Variants in INTS7 observed in about 807,000 individuals in gnomAD.
INTS7 encodes chromosome 1 open reading frame 73.
A neutral mutation model predicts 109.2 loss-of-function variants in INTS7; 46 were observed. That is an observed-to-expected ratio of 0.42 (90% confidence interval 0.33 to 0.54). The LOEUF is 0.54. Among genes scored for constraint, INTS7 ranks in the 20% least tolerant of loss-of-function variants. INTS7 has a pLI of 0.07. For synonymous variants in INTS7, 412 were observed against 402.9 expected (o/e 1.02, Z -0.27); for missense variants, 929 against 1,132.4 (o/e 0.82, Z 2.58).
chr1:211,986,389 G>A (rs1008257651), intron 8 of INTS7, among the ~76,000 whole-genome samples: 1 of 152,260 alleles, frequency 6.6e-6, no homozygotes, highest in East Asian at 1.9e-4. Flanking sequence ...TAAGCTACTC[G>A]GTTTGGGGTG....
chr1:211,952,763 G>GT (rs1476146332), intron 16 of INTS7, 62 bp from the exon 17 acceptor site: 1 of 1,303,310 alleles, frequency 7.7e-7, no homozygotes, highest in Non-Finnish European at 1.1e-6. Flanking sequence ...ATGCCTACAT[G>GT]TATCAGGTAC....
chr1:211,969,112 G>A (rs922703254), intron 13 of INTS7, among the ~76,000 whole-genome samples: 8 of 152,000 alleles, frequency 5.3e-5, no homozygotes, highest in East Asian at 1.9e-4. Context: ...GTGAAACCCC[G>A]TCTCTATTAA....
At chr1:211,986,022 G>A (rs1664880828) in intron 8 of INTS7, among the ~76,000 whole-genome samples, 1 of 152,170 alleles carries the variant, frequency 6.6e-6, no homozygotes, top group African/African-American at 2.4e-5. Context: ...TTTACCATGT[G>A]ATCTTCCAAT....
chr1:211,950,925 T>G (rs979226660), intron 17 of INTS7, among the ~76,000 whole-genome samples: 1 of 152,196 alleles, frequency 6.6e-6, no homozygotes, highest in Non-Finnish European at 1.5e-5. Flanking sequence ...CACACAGATG[T>G]GTGTATTTCT....
chr1:211,965,197 A>C (rs894411550), intron 16 of INTS7, among the ~76,000 whole-genome samples: 1 of 152,120 alleles, frequency 6.6e-6, no homozygotes, highest in African/African-American at 2.4e-5. Context: ...AAAAAAAAAA[A>C]ACTCAACATC....
At chr1:211,968,331 C>G (rs972714051) in intron 14 of INTS7, among the ~76,000 whole-genome samples, 182 bp downstream of exon 14, 1 of 152,170 alleles carries the variant, frequency 6.6e-6, no homozygotes, top group East Asian at 1.9e-4. Context: ...ATTGAGATAA[C>G]ATGAATCACT....
chr1:211,984,028 T>TA (rs1664782370), intron 8 of INTS7, among the ~76,000 whole-genome samples: 1 of 152,036 alleles, frequency 6.6e-6, no homozygotes, highest in Admixed American at 6.6e-5. Context: ...CATACCTGGC[T>TA]AATTTTGTTA....
At chr1:212,002,922 G>A (rs1665738115) in intron 7 of INTS7, among the ~76,000 whole-genome samples, 1 of 152,120 alleles carries the variant, frequency 6.6e-6, no homozygotes. Context: ...AGGAAAAAGG[G>A]TATAGAAATA....
chr1:212,019,037 G>T (rs1221295535), intron 3 of INTS7, among the ~76,000 whole-genome samples: 1 of 152,198 alleles, frequency 6.6e-6, no homozygotes, highest in Non-Finnish European at 1.5e-5. Flanking sequence ...ATCACCTGAG[G>T]TCAGGAGTTC....
At chr1:211,983,541 T>A (rs1664755034) in intron 8 of INTS7, among the ~76,000 whole-genome samples, 1 of 152,194 alleles carries the variant, frequency 6.6e-6, no homozygotes, top group South Asian at 2.1e-4. Context: ...AAGCCCTCAG[T>A]TATAACTGAA....
intron 5 of INTS7, 24 bp downstream of exon 5, chr1:212,011,351 T>C (rs774599553): frequency 7.4e-7 from 1 of 1,342,498 alleles, no homozygotes; most frequent in South Asian, 1.3e-5. Context: ...AGTCACTTCA[T>C]AATACTAAAT....
rs189084993 is a variant in INTS7, at chr1:211,969,002, C to T, written c.1816-295G>A. On this transcript the variant is annotated intron_variant, in intron 13 of 19. Coordinates refer to ENST00000366994, the MANE Select transcript of INTS7 (RefSeq NM_015434.4). The stretch of plus-strand genomic sequence containing the variant: ...AAGAACATCATCAAGAAGATAATCA[C>T]GGCCAGGTGCGGTGGCTCACGCCTG... 1.8e-3 allele frequency among the ~76,000 whole-genome samples: 268 copies of T among 152,200 alleles called. 1 individual carries two copies. The highest frequency in any genetic ancestry group is 3.0e-3 in the Non-Finnish European group (206 of 68,004).
intron 6 of INTS7, 116 bp from the exon 7 acceptor site, chr1:212,006,877 T>C (rs1665945906): frequency 3.8e-6 from 3 of 785,876 alleles, no homozygotes; most frequent in Non-Finnish European, 6.0e-6. Flanking sequence ...ATCAGAGCCC[T>C]GTCACTCACT....
chr1:211,969,441 G>A (rs563374369), intron 13 of INTS7, among the ~76,000 whole-genome samples: 7 of 151,824 alleles, frequency 4.6e-5, no homozygotes, highest in African/African-American at 1.4e-4. Context: ...AGAAAGATAA[G>A]GGCAGGAGGA....
intron 7 of INTS7, among the ~76,000 whole-genome samples, chr1:211,990,889 G>A (rs774757109): frequency 9.9e-5 from 15 of 152,094 alleles, no homozygotes; most frequent in Non-Finnish European, 1.5e-5. Context: ...GAGAATAATG[G>A]CATCTAAAGT....
Position 212,020,233 on chromosome 1 carries a change from G to A in INTS7, c.260C>T (p.Thr87Ile). ...CTCCAAATGTTTCTCACTTTGTTGG[G>A]TAACTTTAAGAACACATAGCCTCAG... is the stretch of plus-strand genomic sequence containing the variant. ...NFLRLCVLKV[T>I]QQSEKHLEKI... The change falls in exon 3 of 20, where the codon ACC (threonine) becomes ATC (isoleucine). Residue 87 changes from threonine to isoleucine, a missense_variant. By Grantham distance (89) the Thr-to-Ile change is moderately conservative. Transcript: ENST00000366994. 6.2e-7 allele frequency: 1 copy of A among 1,602,516 alleles called. No individual in the cohort carries two copies. The highest frequency in any genetic ancestry group is 1.1e-5 in the South Asian group (1 of 89,742).
chr1:211,944,309 G>A (rs770936967), intron 19 of INTS7, among the ~76,000 whole-genome samples: 9 of 152,126 alleles, frequency 5.9e-5, no homozygotes, highest in Non-Finnish European at 8.8e-5. Context: ...GCAGGGAGGA[G>A]GTGAGTCTTG....
chr1:211,984,617 T>A (rs1202571273), intron 8 of INTS7, among the ~76,000 whole-genome samples: 1 of 152,154 alleles, frequency 6.6e-6, no homozygotes, highest in African/African-American at 2.4e-5. Context: ...ATTTATTTAG[T>A]AATGATTTTC....
rs183355905 is a variant in INTS7 at position 211,981,536 on chromosome 1, G to A, written c.1133-346C>T. On this transcript the variant is annotated intron_variant, in intron 9 of 19. Transcript: ENST00000366994. ...AAGAACAGCAAACTATGCAGTATGT[G>A]TTAATCTCCCTAATCAGAAATAAAT... is the stretch of plus-strand genomic sequence containing the variant. 1.2e-3 allele frequency among the ~76,000 whole-genome samples: 181 copies of A among 152,264 alleles called. No individual in the cohort carries two copies. The East Asian group carries it at 0.019, about 16-fold the overall frequency.
Sources: allele counts gnomAD v4.1 joint callset (sites outside exome capture counted in the v4.1 genomes callset), GRCh38; gene constraint gnomAD v4.1.1; transcripts MANE v1.5; gene names NCBI Gene and HGNC (gene_info 2026-07-23, HGNC 2026-07-21).